FSTL5: variants seen among roughly 807,000 people sequenced by gnomAD.
The protein encoded by FSTL5 is follistatin-related protein 5.
A neutral mutation model predicts 89.1 loss-of-function variants in FSTL5; 62 were observed. The observed-to-expected ratio is 0.70, with a 90% CI of 0.57 to 0.86. The LOEUF (loss-of-function observed/expected upper bound fraction) is 0.86, where lower values mean the gene tolerates loss of function less well. Among genes scored for constraint, FSTL5 ranks in the 40% least tolerant of loss-of-function variants. The pLI, the probability that FSTL5 is intolerant of heterozygous loss-of-function variation, is 0.00. For synonymous variants in FSTL5, 383 were observed against 346.2 expected (o/e 1.11, Z -1.18); for missense variants, 1,057 against 1,001.6 (o/e 1.06, Z -0.75).
At chr4:161,878,799 C>T (rs1732533662) in intron 4 of FSTL5, among the ~76,000 whole-genome samples, 1 of 152,022 alleles carries the variant, frequency 6.6e-6, no homozygotes, top group Admixed American at 6.6e-5. Context: ...TATTTAAATA[C>T]AATTAATGAT....
intron 4 of FSTL5, among the ~76,000 whole-genome samples, chr4:161,861,221 G>A (rs189422565): frequency 1.9e-4 from 29 of 152,164 alleles, no homozygotes; most frequent in Non-Finnish European, 4.0e-4. Context: ...TCAGGAGTTC[G>A]AGACCAGCCT....
chr4:161,644,686 G>C (rs937464685), intron 7 of FSTL5, among the ~76,000 whole-genome samples: 1 of 152,058 alleles, frequency 6.6e-6, no homozygotes, highest in Non-Finnish European at 1.5e-5. Context: ...TTTTTTCTCA[G>C]AAAGCTAGAA....
chr4:161,572,232 TC>T (rs1733040803), intron 8 of FSTL5, among the ~76,000 whole-genome samples: 4 of 145,466 alleles, frequency 2.7e-5, no homozygotes, highest in African/African-American at 1.0e-4. Context: ...GGCAGGAGAA[TC>T]GTTTGAACCT....
intron 4 of FSTL5, among the ~76,000 whole-genome samples, chr4:161,807,895 T>C (rs1425701517): frequency 6.6e-6 from 1 of 152,124 alleles, no homozygotes; most frequent in Non-Finnish European, 1.5e-5. Context: ...CCATTTTGGA[T>C]AAACTATCCT....
chr4:162,084,236 G>T (rs982847888), intron 2 of FSTL5, among the ~76,000 whole-genome samples: 1 of 151,820 alleles, frequency 6.6e-6, no homozygotes, highest in African/African-American at 2.4e-5. Context: ...ATCCTGATTG[G>T]TCAACGTCTA....
chr4:162,037,358 T>C (rs575524816), intron 2 of FSTL5, among the ~76,000 whole-genome samples: 28 of 152,028 alleles, frequency 1.8e-4, no homozygotes, highest in Non-Finnish European at 3.1e-4. Flanking sequence ...GAAGGAAAGG[T>C]GGTTGGCTAA....
At chr4:161,990,517 A>G (rs1240954627) in intron 3 of FSTL5, among the ~76,000 whole-genome samples, 1 of 152,130 alleles carries the variant, frequency 6.6e-6, no homozygotes, top group Non-Finnish European at 1.5e-5. Context: ...AGCTGAAAAT[A>G]TAAAATATAT....
chr4:161,875,302 T>G (rs973125224), intron 4 of FSTL5, among the ~76,000 whole-genome samples: 1 of 152,290 alleles, frequency 6.6e-6, no homozygotes, highest in East Asian at 1.9e-4. Flanking sequence ...GGAAATTGGC[T>G]GTCCCCAACA....
intron 11 of FSTL5, among the ~76,000 whole-genome samples, chr4:161,508,257 T>C (rs563484084): frequency 1.2e-4 from 18 of 152,222 alleles, no homozygotes; most frequent in African/African-American, 4.3e-4. Flanking sequence ...TGTGGCATTA[T>C]AAAAATAACT....
In FSTL5 at chr4:161,746,103, A is replaced by G. The variant is rs969426360; in HGVS notation, c.727+13308T>C. 2.6e-5 allele frequency among the ~76,000 whole-genome samples: 4 copies of G among 152,196 alleles called. No homozygotes were observed. The East Asian group carries it at 7.7e-4, about 29-fold the overall frequency. On this transcript the variant is annotated intron_variant, in intron 6 of 15. Coordinates refer to ENST00000306100, the MANE Select transcript of FSTL5 (RefSeq NM_020116.5). ...ATCACATATATAAATTATTTTTGCTACAATACATTGTTAAATAAAATTTCT... is the reference window on the plus strand; with the variant it reads ...ATCACATATATAAATTATTTTTGCTGCAATACATTGTTAAATAAAATTTCT...
At chr4:162,136,020 C>G (rs912464629) in intron 1 of FSTL5, among the ~76,000 whole-genome samples, 1 of 151,946 alleles carries the variant, frequency 6.6e-6, no homozygotes, top group East Asian at 1.9e-4. Flanking sequence ...TTTCCTAAAT[C>G]AAAATCCTTT....
chr4:162,159,611 G>A (rs1018956173), intron 1 of FSTL5, among the ~76,000 whole-genome samples: 4 of 151,890 alleles, frequency 2.6e-5, no homozygotes, highest in Admixed American at 2.6e-4. Context: ...TAGTACACAA[G>A]GAATAAAAAT....
chr4:161,801,302 C>A (rs1056784998), intron 4 of FSTL5, among the ~76,000 whole-genome samples: 11 of 151,492 alleles, frequency 7.3e-5, no homozygotes, highest in Middle Eastern at 3.4e-3. Context: ...TAGTATCTAG[C>A]ATAATTGGCA....
Position 162,033,638 on chromosome 4 carries a change from A to G in FSTL5, c.147T>C (p.Ser49=). 1 of 1,496,840 alleles carries G rather than the reference A, an allele frequency of 6.7e-7. No homozygotes were observed. Among genetic ancestry groups the G allele is most frequent in the Non-Finnish European group, 9.2e-7 (1 of 1,091,266 alleles). The allele number at this position is 1,496,840 out of a possible 1,614,324, so 92.7% of individuals were successfully genotyped here. ...ATCATTTCTTACCTTTGACTCTTGAACTTTCTTGATTTTTTTCCTGCTGGA... is the reference window on the plus strand; with the variant it reads ...ATCATTTCTTACCTTTGACTCTTGAGCTTTCTTGATTTTTTTCCTGCTGGA... ...LRHKQEKNQE[S]SRVKGFMIQD... Residue 49 remains serine, a synonymous_variant, in exon 3 of 16, where the codon AGT becomes AGC. Coordinates refer to ENST00000306100, the MANE Select transcript of FSTL5 (RefSeq NM_020116.5).
chr4:161,807,319 A>T (rs1730001006), intron 4 of FSTL5, among the ~76,000 whole-genome samples: 1 of 151,862 alleles, frequency 6.6e-6, no homozygotes, highest in Non-Finnish European at 1.5e-5. Flanking sequence ...TTCTGCCTCA[A>T]CCTCTCAAAC....
chr4:162,021,910 G>A lies in FSTL5; in HGVS notation c.160+11715C>T, dbSNP rs183386093. Among the ~76,000 whole-genome samples the A allele has an allele frequency of 9.9e-5, 15 of 152,046 alleles. No individual in the cohort carries two copies. The East Asian group carries it at 2.1e-3, about 22-fold the overall frequency. ...GTTCAAGACCAGCCTGGCCAATATG[G>A]TGAAACCCGTTTCTCCTAAAAAATA... On this transcript the variant is annotated intron_variant, in intron 3 of 15. Coordinates refer to ENST00000306100, the MANE Select transcript of FSTL5 (RefSeq NM_020116.5).
intron 6 of FSTL5, among the ~76,000 whole-genome samples, chr4:161,663,200 G>A (rs1015067938): frequency 2.6e-5 from 4 of 152,148 alleles, no homozygotes; most frequent in African/African-American, 9.6e-5. Context: ...CAAATCTCAT[G>A]TCCTCGCATT....
At chr4:161,828,360 A>C (rs1730734368) in intron 4 of FSTL5, among the ~76,000 whole-genome samples, 1 of 152,118 alleles carries the variant, frequency 6.6e-6, no homozygotes, top group African/African-American at 2.4e-5. Context: ...GAGTCTGTGG[A>C]TTCTCTCAGC....
chr4:161,902,601 A>C (rs932653625), intron 4 of FSTL5, among the ~76,000 whole-genome samples: 1 of 152,048 alleles, frequency 6.6e-6, no homozygotes, highest in Admixed American at 6.6e-5. Flanking sequence ...TAATCCCAGC[A>C]CTTTGGGAGG....
Sources: gnomAD v4.1 joint callset for allele counts (sites outside exome capture counted in the v4.1 genomes callset) on GRCh38, gnomAD v4.1.1 for gene constraint, MANE v1.5 for transcripts, NCBI Gene and HGNC (gene_info 2026-07-23, HGNC 2026-07-21) for gene names.